Variants in NT5M observed in about 807,000 individuals in gnomAD.
The protein encoded by NT5M is 5',3'-nucleotidase, mitochondrial, also known as 5'(3')-deoxyribonucleotidase, mitochondrial.
A neutral mutation model predicts 22.2 loss-of-function variants in NT5M; 22 were observed. The ratio of observed to expected loss-of-function variants is 0.99; its 90% CI spans 0.71 to 1.41. NT5M has a LOEUF of 1.41. Ranked by LOEUF, NT5M falls within the 40% of genes most tolerant of loss-of-function variation. The pLI is 0.00. For missense variants in NT5M, 322 were observed against 314.8 expected (o/e 1.02, Z -0.17); for synonymous variants, 167 against 133.0 (o/e 1.26, Z -1.76).
chr17:17,343,933 G>T (rs1468226916), intron 3 of NT5M, among the ~76,000 whole-genome samples: 2 of 152,172 alleles, frequency 1.3e-5, no homozygotes, highest in Non-Finnish European at 2.9e-5. Context: ...GCCAGAGCAG[G>T]TGCCGTGCTT....
At chr17:17,327,077 A>AG (rs2049283668) in intron 3 of NT5M, among the ~76,000 whole-genome samples, 2 of 106,416 alleles carry the variant, frequency 1.9e-5, no homozygotes, top group African/African-American at 6.5e-5. Flanking sequence ...ACACCCGGCT[A>AG]ATTTTTTTTT....
At chr17:17,346,125 C>T (rs777884068) in intron 4 of NT5M, among the ~76,000 whole-genome samples, 4 of 152,200 alleles carry the variant, frequency 2.6e-5, no homozygotes, top group Non-Finnish European at 5.9e-5. Flanking sequence ...GTGGACTCCA[C>T]GAGTGTACCC....
intron 2 of NT5M, among the ~76,000 whole-genome samples, chr17:17,315,627 T>G (rs2049006304): frequency 6.6e-6 from 1 of 151,862 alleles, no homozygotes; most frequent in South Asian, 2.1e-4. Flanking sequence ...GGCCTTTGTT[T>G]GTCTGAGTAA....
At chr17:17,326,858 CCCA>C (rs1161737095) in intron 3 of NT5M, among the ~76,000 whole-genome samples, 1 of 152,192 alleles carries the variant, frequency 6.6e-6, no homozygotes, top group Non-Finnish European at 1.5e-5. Context: ...CATCTACAAT[CCCA>C]CCACCTGGAG....
chr17:17,321,545 TGGCTGTGCCCAGAGCACC>T (rs1331900610), intron 2 of NT5M, among the ~76,000 whole-genome samples: 2 of 151,810 alleles, frequency 1.3e-5, no homozygotes, highest in African/African-American at 4.8e-5. Context: ...GGGTGTGTCC[TGGCTGTGCCCAGAGCACC>T]AGAGAGGGCA....
At chr17:17,308,898 A>C (rs2048866468) in intron 2 of NT5M, among the ~76,000 whole-genome samples, 1 of 152,152 alleles carries the variant, frequency 6.6e-6, no homozygotes. Flanking sequence ...CATGTTTTCA[A>C]GGTTCATTCA....
At chr17:17,324,645 G>A in intron 3 of NT5M, among the ~76,000 whole-genome samples, 1 of 151,850 alleles carries the variant, frequency 6.6e-6, no homozygotes, top group Non-Finnish European at 1.5e-5. Context: ...ATGACACCTT[G>A]TTCCCTAGTT....
chr17:17,325,564 A>G (rs1004617225), intron 3 of NT5M, among the ~76,000 whole-genome samples: 1 of 152,300 alleles, frequency 6.6e-6, no homozygotes, highest in African/African-American at 2.4e-5. Context: ...AGTACAGCTG[A>G]CAGGGCCTCC....
intron 3 of NT5M, among the ~76,000 whole-genome samples, chr17:17,342,685 T>G (rs1597803325): frequency 6.6e-6 from 1 of 152,230 alleles, no homozygotes; most frequent in Non-Finnish European, 1.5e-5. Flanking sequence ...TTTTTCCCTC[T>G]GCCTGGAATG....
At chr17:17,304,736 C>T (rs912381846) in intron 1 of NT5M, among the ~76,000 whole-genome samples, 8 of 152,156 alleles carry the variant, frequency 5.3e-5, no homozygotes, top group Non-Finnish European at 8.8e-5. Flanking sequence ...TGCTCAGGGG[C>T]TCAGTCAGGA....
At chr17:17,315,948 C>G (rs138419388) in intron 2 of NT5M, among the ~76,000 whole-genome samples, 4,945 of 150,708 alleles carry the variant, frequency 0.033, 242 homozygotes, top group African/African-American at 0.11. Context: ...GTAGAGATGG[C>G]GTTTCACTGT....
intron 3 of NT5M, among the ~76,000 whole-genome samples, chr17:17,336,937 A>C (rs977837361): frequency 6.6e-6 from 1 of 152,212 alleles, no homozygotes; most frequent in African/African-American, 2.4e-5. Flanking sequence ...GGCTATTGTG[A>C]ATAGTGCTGC....
intron 2 of NT5M, among the ~76,000 whole-genome samples, chr17:17,312,839 G>C (rs1597750418): frequency 6.6e-6 from 1 of 151,868 alleles, no homozygotes; most frequent in East Asian, 1.9e-4. Flanking sequence ...CAGGCATGCT[G>C]ACCTGTCCCT....
At chr17:17,316,100 G>A (rs180837220) in intron 2 of NT5M, among the ~76,000 whole-genome samples, 1 of 147,404 alleles carries the variant, frequency 6.8e-6, no homozygotes, top group African/African-American at 2.5e-5. Flanking sequence ...TGTCCCCCAG[G>A]CTGTAGTGTA....
chr17:17,335,519 C>T (rs1286807944), intron 3 of NT5M, among the ~76,000 whole-genome samples: 2 of 152,112 alleles, frequency 1.3e-5, no homozygotes, highest in Non-Finnish European at 2.9e-5. Flanking sequence ...TGTTTTGATA[C>T]AGGCATGCAA....
chr17:17,332,859 G>T (rs926205650), intron 3 of NT5M, among the ~76,000 whole-genome samples: 1 of 152,098 alleles, frequency 6.6e-6, no homozygotes, highest in Non-Finnish European at 1.5e-5. Context: ...ATTGGTAATC[G>T]GGGAGGCTGT....
At chr17:17,328,352 A>G (rs2049304763) in intron 3 of NT5M, among the ~76,000 whole-genome samples, 1 of 152,174 alleles carries the variant, frequency 6.6e-6, no homozygotes, top group South Asian at 2.1e-4. Flanking sequence ...GTTTAGCCAC[A>G]CCACCACCTT....
At chr17:17,337,982 C>A (rs1463732018) in intron 3 of NT5M, among the ~76,000 whole-genome samples, 2 of 152,134 alleles carry the variant, frequency 1.3e-5, no homozygotes, top group African/African-American at 4.8e-5. Context: ...TTTGTCCAGA[C>A]CAATGTCCTG....
chr17:17,331,725 C>T (rs2049390090), intron 3 of NT5M, among the ~76,000 whole-genome samples: 1 of 151,364 alleles, frequency 6.6e-6, no homozygotes, highest in Admixed American at 6.6e-5. Flanking sequence ...TTAAAGTGTC[C>T]TAGATCAAGC....
Sources: allele counts gnomAD v4.1 joint callset (sites outside exome capture counted in the v4.1 genomes callset), GRCh38; gene constraint gnomAD v4.1.1; transcripts MANE v1.5; gene names NCBI Gene and HGNC (gene_info 2026-07-23, HGNC 2026-07-21).